Variants in DIXDC1 observed in about 807,000 individuals in gnomAD.
DIXDC1 encodes the protein DIX domain containing 1, also known as dixin.
DIXDC1 carries 64 observed loss-of-function variants against 103.1 expected under a neutral mutation model. The observed-to-expected ratio is 0.62, with a 90% confidence interval of 0.51 to 0.76. The LOEUF is 0.76. Among genes scored for constraint, DIXDC1 ranks in the 30% least tolerant of loss-of-function variants. The pLI is 0.00. For synonymous variants in DIXDC1, 266 were observed against 298.5 expected, an observed-to-expected ratio of 0.89 and a Z score of 1.12; for missense variants, 759 against 834.2, an observed-to-expected ratio of 0.91 and a Z score of 1.11.
chr11:111,960,360 C>T (rs1859530234), intron 1 of DIXDC1, among the ~76,000 whole-genome samples: 1 of 151,326 alleles, frequency 6.6e-6, no homozygotes, highest in Admixed American at 6.6e-5. Context: ...CTTTGGGAGG[C>T]CGAGGTGGGT....
intron 5 of DIXDC1, among the ~76,000 whole-genome samples, chr11:111,978,157 C>T (rs1337137449): frequency 6.6e-6 from 1 of 152,074 alleles, no homozygotes; most frequent in African/African-American, 2.4e-5. Flanking sequence ...AGCTATTAGA[C>T]CTGTGGGAAT....
chr11:111,992,807 G>A, intron 11 of DIXDC1, 144 bp from the exon 12 acceptor site: 1 of 842,538 alleles, frequency 1.2e-6, no homozygotes, highest in Admixed American at 2.8e-5. Context: ...TAAAAATGTG[G>A]AGAGCAGCTG....
In DIXDC1 at chr11:111,937,696, G is replaced by C. The variant is rs1385178704; in HGVS notation, c.60+137G>C. The C allele has an allele frequency of 4.8e-6, 4 of 838,678 alleles. No homozygotes were observed. The Admixed American group carries it at 1.0e-4, about 21-fold the overall frequency. The allele number at this position is 838,678 out of a possible 1,614,324, so 52.0% of individuals were successfully genotyped here. On this transcript the variant is annotated intron_variant, in intron 1 of 19. Transcript: ENST00000440460. The stretch of plus-strand genomic sequence containing the variant: ...GCCCCCAGAACCCCAAAGGGGCTAA[G>C]GTGGTACTTACGGTGCAGATGGGTG...
chr11:111,934,343 A>G (rs1301788771), upstream of DIXDC1, among the ~76,000 whole-genome samples: 1 of 152,208 alleles, frequency 6.6e-6, no homozygotes, highest in Non-Finnish European at 1.5e-5. Flanking sequence ...GTCTGCCATT[A>G]TTGTCAAAAT....
chr11:111,931,193 G>T (rs181138127), intron 2 of DIXDC1, among the ~76,000 whole-genome samples: 3 of 152,110 alleles, frequency 2.0e-5, no homozygotes, highest in South Asian at 2.1e-4. Flanking sequence ...AAATTTGCTG[G>T]GTGTGGTGGC....
At chr11:111,982,256 C>A in intron 6 of DIXDC1, 83 bp from the exon 7 acceptor site, 1 of 1,482,514 alleles carries the variant, frequency 6.7e-7, no homozygotes, top group Non-Finnish European at 9.1e-7. Flanking sequence ...TGACCTGAAC[C>A]TGTGAACGCT....
chr11:111,985,198 A>G (rs1403221542), intron 7 of DIXDC1, 34 bp from the exon 8 acceptor site: 53 of 1,543,436 alleles, frequency 3.4e-5, no homozygotes, highest in Non-Finnish European at 4.6e-5. Flanking sequence ...TCTGAAGGAG[A>G]GTTAAGTTTC....
chr11:112,010,348 G>GAATA (rs1738985125), intron 17 of DIXDC1, among the ~76,000 whole-genome samples: 2 of 152,160 alleles, frequency 1.3e-5, no homozygotes, highest in Admixed American at 1.3e-4. Context: ...TGGATAGGAA[G>GAATA]AATAAATATC....
chr11:112,005,360 A>G (rs1861201646), intron 17 of DIXDC1, among the ~76,000 whole-genome samples: 1 of 152,170 alleles, frequency 6.6e-6, no homozygotes, highest in Admixed American at 6.5e-5. Context: ...CCGAGAAGAC[A>G]TAATAATCCT....
In DIXDC1 at chr11:111,937,460, CGGGCTGGAGACCCCGCCCGG is replaced by C. The variant is rs1966246640; in HGVS notation, c.-37_-18del. On this transcript the variant is annotated 5_prime_UTR_variant, in exon 1 of 20. Transcript: ENST00000440460. Reference sequence around the variant, plus strand: ...AGGAGGAGGAGGCGGCGGCGGCCGCCGGGCTGGAGACCCCGCCCGGGGAGCCCCCAGCAGGAACAATGCTA... The same window carrying C: ...AGGAGGAGGAGGCGGCGGCGGCCGCCGGAGCCCCCAGCAGGAACAATGCTA... 6.4e-7 allele frequency: 1 copy of C among 1,556,580 alleles called. No individual in the cohort carries two copies. Among genetic ancestry groups the C allele is most frequent in the Non-Finnish European group, 8.7e-7 (1 of 1,151,114 alleles).
At chr11:111,941,911 G>C (rs1052455178) in intron 1 of DIXDC1, among the ~76,000 whole-genome samples, 2 of 151,840 alleles carry the variant, frequency 1.3e-5, no homozygotes, top group African/African-American at 2.4e-5. Flanking sequence ...CTCCATAAGG[G>C]GGACATAGAG....
chr11:111,964,445 G>A (rs995195443), intron 1 of DIXDC1, 104 bp from the exon 2 acceptor site: 7 of 1,336,086 alleles, frequency 5.2e-6, no homozygotes, highest in East Asian at 2.5e-5. Flanking sequence ...TCTGGATATG[G>A]GTTGTTTATT....
intron 17 of DIXDC1, among the ~76,000 whole-genome samples, chr11:112,008,131 C>CA (rs782037838): frequency 0.15 from 7,893 of 52,042 alleles, 636 homozygotes; most frequent in African/African-American, 0.34. Context: ...AAATGCAAAG[C>CA]AAAAAAAAAA....
rs367999890 is a variant in DIXDC1, at chr11:111,974,172, G to C, written c.466G>C (p.Ala156Pro). The C allele has an allele frequency of 3.1e-6, 5 of 1,613,908 alleles. No individual in the cohort carries two copies. The highest frequency in any genetic ancestry group is 4.2e-6 in the Non-Finnish European group (5 of 1,179,898). ...CCGACCACACTGTGCCACTGCTGTTGCCCAGGGAGCAGCTGCTGCTCTGGC... is the reference window on the plus strand; with the variant it reads ...CCGACCACACTGTGCCACTGCTGTTCCCCAGGGAGCAGCTGCTGCTCTGGC... Reference protein sequence around the residue: ...SHRPHCATAVAQGAAAALADV... With the variant: ...SHRPHCATAVPQGAAAALADV... Residue 156 changes from alanine to proline, a missense_variant, in exon 4 of 20, where the codon GCC (alanine) becomes CCC (proline). By Grantham distance (27) the Ala-to-Pro change is conservative. Coordinates refer to ENST00000440460, the MANE Select transcript of DIXDC1 (RefSeq NM_001037954.4).
intron 17 of DIXDC1, among the ~76,000 whole-genome samples, chr11:112,012,537 CAT>C (rs1182592927): frequency 1.3e-5 from 2 of 152,066 alleles, no homozygotes; most frequent in African/African-American, 2.4e-5. Flanking sequence ...TACTTCATAC[CAT>C]ATGCAAAAAT....
chr11:112,016,649 G>T (rs1555177747), intron 17 of DIXDC1, 42 bp from the exon 18 acceptor site: 1 of 1,509,366 alleles, frequency 6.6e-7, no homozygotes, highest in Non-Finnish European at 8.9e-7. Flanking sequence ...GGCTGGTTTA[G>T]AGCAAATGAA....
chr11:111,982,971 T>G (rs1468589497), intron 7 of DIXDC1, among the ~76,000 whole-genome samples: 1 of 152,198 alleles, frequency 6.6e-6, no homozygotes, highest in East Asian at 1.9e-4. Context: ...TGCCAAGGCA[T>G]AATGGTCAGG....
chr11:111,937,673 C>T (rs1966261295), intron 1 of DIXDC1, 114 bp downstream of exon 1: 5 of 1,068,686 alleles, frequency 4.7e-6, no homozygotes, highest in African/African-American at 1.6e-5. Context: ...AGCAAATCGC[C>T]CCCAGAACCC....
At chr11:112,004,205 T>C (rs1861164961) in intron 17 of DIXDC1, among the ~76,000 whole-genome samples, 2 of 151,770 alleles carry the variant, frequency 1.3e-5, no homozygotes, top group Non-Finnish European at 2.9e-5. Flanking sequence ...TAATAAAATA[T>C]GCTTTTGGTT....
Sources: allele counts gnomAD v4.1 joint callset (sites outside exome capture counted in the v4.1 genomes callset), GRCh38; gene constraint gnomAD v4.1.1; transcripts MANE v1.5; gene names NCBI Gene and HGNC (gene_info 2026-07-23, HGNC 2026-07-21).